Variants in CCDC197 observed in about 807,000 individuals in gnomAD.
The protein encoded by CCDC197 is coiled-coil domain containing 197, also known as uncharacterized protein CCDC197.
CCDC197 carries 24 observed loss-of-function variants against 13.4 expected under a neutral mutation model. The observed-to-expected ratio is 1.80, with a 90% confidence interval of 1.30 to 2.53. The LOEUF (loss-of-function observed/expected upper bound fraction) is 2.53. Ranked by LOEUF, CCDC197 falls within the 30% of genes most tolerant of loss-of-function variation. The probability of loss-of-function intolerance (pLI) is 0.00; values close to 1 mark genes in which losing one functional copy is unlikely to be tolerated. For missense variants in CCDC197, 255 were observed against 148.8 expected, an observed-to-expected ratio of 1.71 and a Z score of -3.71; for synonymous variants, 99 against 55.5, an observed-to-expected ratio of 1.78 and a Z score of -3.48.
At position 94,001,290 on chromosome 14, in the gene CCDC197, G is replaced by A. The variant is rs1567043171; in HGVS notation, c.333G>A (p.Glu111=). The change falls in exon 4 of 7, where the codon GAG becomes GAA. Residue 111 remains glutamate (E), a synonymous_variant. Coordinates refer to ENST00000636493, the MANE Select transcript of CCDC197 (RefSeq NM_001351596.2). ...QMIQAVHRSL[E]SLEEDHRALM... is the part of the protein sequence containing the mutation. ...TCCAGGCTGTCCACCGGAGCCTGGA[G>A]TCTCTGGAGGAGGACCACAGGGCTC... 5.1e-6 allele frequency: 4 copies of A among 779,906 alleles called. No homozygotes were observed. The highest frequency in any genetic ancestry group is 2.4e-5 in the East Asian group (1 of 41,200). The allele number at this position is 779,906 out of a possible 1,614,324, so 48.3% of individuals were successfully genotyped here. A position where few individuals can be genotyped will look rare whatever the true frequency, so the allele number is the denominator to read the frequency against.
chr14:94,004,252 G>A (rs1050520093), intron 5 of CCDC197, among the ~76,000 whole-genome samples: 1 of 152,184 alleles, frequency 6.6e-6, no homozygotes. Flanking sequence ...TGGCCTCCGG[G>A]ACTGCGGGAG....
upstream of CCDC197, among the ~76,000 whole-genome samples, chr14:93,994,454 T>G (rs1258102871): frequency 1.3e-5 from 2 of 152,146 alleles, no homozygotes; most frequent in Non-Finnish European, 1.5e-5. Flanking sequence ...AGACTCCCAG[T>G]AAAGAGTCAG....
At chr14:93,996,146 A>G (rs774220686), upstream of CCDC197, among the ~76,000 whole-genome samples, 5 of 151,196 alleles carry the variant, frequency 3.3e-5, no homozygotes, top group Admixed American at 2.0e-4. Flanking sequence ...TCTCTGGGCA[A>G]CCCCAGCCCC....
rs1890478546 is a variant in CCDC197 at position 94,000,971 on chromosome 14, G to A, written c.188-174G>A. ...GAAGTGGAGGGGGCGGGAGGGCGGG[G>A]GGGCGGGTGTGGATGGCAAGCCCGG... On this transcript the variant is annotated intron_variant, in intron 3 of 6. Transcript: ENST00000636493. The A allele has an allele frequency of 1.5e-5, 7 of 453,412 alleles. No individual in the cohort carries two copies. In the South Asian group the frequency reaches 2.4e-4, roughly 16 times the overall value. The allele number at this position is 453,412 out of a possible 1,614,324, so 28.1% of individuals were successfully genotyped here.
chr14:93,988,019 G>A (rs1424403579), intron 1 of CCDC197, among the ~76,000 whole-genome samples: 2 of 130,844 alleles, frequency 1.5e-5, no homozygotes, highest in African/African-American at 6.0e-5. Flanking sequence ...GGAGTGAGAG[G>A]AGGGGTGAGG....
rs144742424 is a variant in CCDC197, at chr14:93,990,674, G to A, written c.-107+3278G>A. Among the ~76,000 whole-genome samples the A allele has an allele frequency of 1.3e-3, 200 of 152,310 alleles. 8 individuals are homozygous for A. The South Asian group carries it at 0.018, about 14-fold the overall frequency. ...GAGGGGGCAGCTCTGACAGATTGGG[G>A]TGCACATTGGGGTGGGTGAGCCAGA... On this transcript the variant is annotated intron_variant, in intron 1 of 7. Transcript: ENST00000640978.
At chr14:93,997,919 C>T (rs1270478520) in intron 1 of CCDC197, 80 bp from the exon 2 acceptor site, 2 of 581,060 alleles carry the variant, frequency 3.4e-6, no homozygotes, top group Non-Finnish European at 6.1e-6. Flanking sequence ...TTAATGAGCC[C>T]TGGGTCCTCA....
downstream of CCDC197, among the ~76,000 whole-genome samples, chr14:94,009,898 G>A (rs1595359192): frequency 6.6e-6 from 1 of 152,320 alleles, no homozygotes; most frequent in Admixed American, 6.5e-5. Flanking sequence ...AAATAATTCA[G>A]CTCTAGAGGT....
chr14:94,004,562 C>T (rs940316326), intron 5 of CCDC197, among the ~76,000 whole-genome samples: 4 of 152,188 alleles, frequency 2.6e-5, no homozygotes, highest in African/African-American at 9.7e-5. Flanking sequence ...ACTCCATGCC[C>T]CTTCCCAGTC....
upstream of CCDC197, among the ~76,000 whole-genome samples, chr14:93,996,806 C>T (rs757875028): frequency 6.6e-6 from 1 of 152,354 alleles, no homozygotes; most frequent in Non-Finnish European, 1.5e-5. Context: ...CCACCTTCCC[C>T]GGTGGCACAG....
intron 4 of CCDC197, chr14:94,001,663 G>A (rs1256706317): frequency 9.4e-6 from 2 of 212,320 alleles, no homozygotes; most frequent in African/African-American, 4.6e-5. Flanking sequence ...CTGTCAAGTG[G>A]GGGCAACACA....
chr14:94,008,814 C>G lies in CCDC197; in HGVS notation c.*2C>G. ...TCAGAGTGCTCCGGCCTGTACTGAC[C>G]AGCCTGCGCCTTGCAGGCCCCATGG... is the stretch of plus-strand genomic sequence containing the variant. On this transcript the variant is annotated 3_prime_UTR_variant, in exon 7 of 7. Transcript: ENST00000636493. The G allele has an allele frequency of 2.9e-6, 2 of 695,018 alleles. No homozygotes were observed. Among genetic ancestry groups the G allele is most frequent in the Non-Finnish European group, 5.3e-6 (2 of 379,002 alleles). 43.1% of individuals were successfully genotyped at this position (695,018 alleles called of 1,614,324 possible).
intron 1 of CCDC197, among the ~76,000 whole-genome samples, chr14:93,990,982 G>A (rs937157895): frequency 5.9e-5 from 9 of 152,180 alleles, no homozygotes; most frequent in Non-Finnish European, 1.2e-4. Flanking sequence ...ACTTGCCCAA[G>A]GCCAGGCAGC....
intron 5 of CCDC197, among the ~76,000 whole-genome samples, chr14:94,004,197 AC>A (rs1256538283): frequency 1.3e-5 from 2 of 151,922 alleles, no homozygotes; most frequent in Admixed American, 1.3e-4. Flanking sequence ...TCACCCCTGG[AC>A]CCCGGTTCCT....
chr14:94,004,250 G>T (rs537023032), intron 5 of CCDC197, among the ~76,000 whole-genome samples: 1 of 152,178 alleles, frequency 6.6e-6, no homozygotes, highest in Non-Finnish European at 1.5e-5. Context: ...TCTGGCCTCC[G>T]GGACTGCGGG....
chr14:93,992,761 G>C (rs1280954360), upstream of CCDC197, among the ~76,000 whole-genome samples: 1 of 152,220 alleles, frequency 6.6e-6, no homozygotes, highest in African/African-American at 2.4e-5. Context: ...GCCTTACAGT[G>C]TCCTAGGACC....
rs1009949677 is a variant in CCDC197 at position 94,001,132 on chromosome 14, G to T, written c.188-13G>T. On this transcript the variant is annotated splice_polypyrimidine_tract_variant and intron_variant, in intron 3 of 6. Coordinates refer to ENST00000636493, the MANE Select transcript of CCDC197 (RefSeq NM_001351596.2). ...GGGCACCCACCCATCCCGCCATGGC[G>T]CTGTCTCCGTAGGCTGCACGGGATG... is the stretch of plus-strand genomic sequence containing the variant. The T allele has an allele frequency of 9.2e-6, 7 of 764,566 alleles. No homozygotes were observed. In the East Asian group the frequency reaches 1.2e-4, roughly 13 times the overall value. The allele number at this position is 764,566 out of a possible 1,614,324, so 47.4% of individuals were successfully genotyped here.
intron 4 of CCDC197, 163 bp downstream of exon 4, chr14:94,001,486 C>G (rs929609332): frequency 1.8e-6 from 1 of 548,144 alleles, no homozygotes; most frequent in African/African-American, 1.9e-5. Context: ...TCCATATCCC[C>G]TTCCTCTCCC....
Position 94,004,210 on chromosome 14 carries a change from G to A in CCDC197, c.499-645G>A, listed in dbSNP as rs117380382. Reference sequence around the variant, plus strand: ...GGTCACCCCTGGACCCCGGTTCCTCGCCATAAACGGAGGCAACAGTCTATG... The same window carrying A: ...GGTCACCCCTGGACCCCGGTTCCTCACCATAAACGGAGGCAACAGTCTATG... On this transcript the variant is annotated intron_variant, in intron 5 of 6. Coordinates refer to ENST00000636493, the MANE Select transcript of CCDC197 (RefSeq NM_001351596.2). 5.9e-5 allele frequency among the ~76,000 whole-genome samples: 9 copies of A among 152,194 alleles called. No individual in the cohort carries two copies. In the South Asian group the frequency reaches 6.2e-4, roughly 11 times the overall value.
Sources: allele counts gnomAD v4.1 joint callset (sites outside exome capture counted in the v4.1 genomes callset), GRCh38; gene constraint gnomAD v4.1.1; transcripts MANE v1.5; gene names NCBI Gene and HGNC (gene_info 2026-07-23, HGNC 2026-07-21).